COMMD1: variants seen among roughly 807,000 people sequenced by gnomAD.
COMMD1 encodes the protein COMM domain-containing protein 1.
In COMMD1, 10 loss-of-function variants were observed where a neutral mutation model predicts 17.2. The ratio of observed to expected loss-of-function variants is 0.58; its 90% confidence interval spans 0.36 to 0.99. The LOEUF is 0.99. COMMD1 is among the 50% of genes least tolerant of loss of function. The probability of loss-of-function intolerance (pLI) is 0.01; values close to 1 mark genes in which losing one functional copy is unlikely to be tolerated. For synonymous variants in COMMD1, 97 were observed against 91.6 expected (o/e 1.06, Z -0.34); for missense variants, 270 against 231.8 (o/e 1.17, Z -1.07).
chr2:62,117,945 T>G (rs1672649997), intron 2 of COMMD1, among the ~76,000 whole-genome samples: 1 of 151,844 alleles, frequency 6.6e-6, no homozygotes, highest in Admixed American at 6.6e-5. Context: ...AAAGAATGAG[T>G]GATGTCCAAG....
In COMMD1 at chr2:61,999,070, G is replaced by A. The variant is rs117857021; in HGVS notation, c.181-1631G>A. ...ACACAGAGACACAAGGTGAGCATAT[G>A]CTATTTGAAAAATGGCACCAATAGA... is the stretch of plus-strand genomic sequence containing the variant. On this transcript the variant is annotated intron_variant, in intron 1 of 2. Coordinates refer to ENST00000311832, the MANE Select transcript of COMMD1 (RefSeq NM_152516.4). Among the ~76,000 whole-genome samples, 461 of 152,286 alleles carry A rather than the reference G, an allele frequency of 3.0e-3. 8 individuals carry two copies. The East Asian group carries it at 0.045, about 15-fold the overall frequency.
chr2:61,939,644 T>C (rs1452129247), intron 1 of COMMD1, among the ~76,000 whole-genome samples: 2 of 152,202 alleles, frequency 1.3e-5, no homozygotes, highest in Non-Finnish European at 2.9e-5. Flanking sequence ...AACTATATTG[T>C]CATAAAATCA....
chr2:62,099,288 T>G (rs1367917776), intron 2 of COMMD1, among the ~76,000 whole-genome samples: 1 of 152,186 alleles, frequency 6.6e-6, no homozygotes, highest in Non-Finnish European at 1.5e-5. Context: ...TTTCCTCTTT[T>G]TGATGATTCT....
intron 2 of COMMD1, among the ~76,000 whole-genome samples, chr2:62,122,128 G>A (rs1370765369): frequency 6.6e-6 from 1 of 152,188 alleles, no homozygotes; most frequent in Non-Finnish European, 1.5e-5. Context: ...TAATGCATGA[G>A]AAATTAGCCA....
chr2:61,937,781 C>T (rs1337799541), intron 1 of COMMD1, among the ~76,000 whole-genome samples: 1 of 152,124 alleles, frequency 6.6e-6, no homozygotes, highest in Non-Finnish European at 1.5e-5. Context: ...AAATATGTAT[C>T]TGTACAACTC....
intron 2 of COMMD1, among the ~76,000 whole-genome samples, chr2:62,033,374 G>T (rs1305275519): frequency 6.6e-6 from 1 of 152,170 alleles, no homozygotes; most frequent in Non-Finnish European, 1.5e-5. Flanking sequence ...AATGAACAAA[G>T]GCAAGTCTGA....
chr2:61,985,652 A>G (rs1206121280), intron 1 of COMMD1, among the ~76,000 whole-genome samples: 1 of 151,948 alleles, frequency 6.6e-6, no homozygotes, highest in East Asian at 1.9e-4. Context: ...CACAGTTTTT[A>G]GATTTGAGGT....
chr2:61,909,303 A>G (rs1304266502), intron 1 of COMMD1, among the ~76,000 whole-genome samples: 2 of 152,234 alleles, frequency 1.3e-5, no homozygotes, highest in African/African-American at 4.8e-5. Flanking sequence ...ACAAATAAGC[A>G]TGATGCAAGG....
chr2:62,111,988 A>G (rs1044902046), intron 2 of COMMD1, among the ~76,000 whole-genome samples: 3 of 152,210 alleles, frequency 2.0e-5, no homozygotes, highest in East Asian at 1.9e-4. Flanking sequence ...TAAGAAGTCT[A>G]CGTGGTAAGT....
In COMMD1 at chr2:62,026,272, G is replaced by T. The variant is rs1180645979; in HGVS notation, c.462+25290G>T. Among the ~76,000 whole-genome samples the T allele has an allele frequency of 2.0e-5, 3 of 152,204 alleles. No individual in the cohort carries two copies. The East Asian group carries it at 5.8e-4, about 29-fold the overall frequency. On this transcript the variant is annotated intron_variant, in intron 2 of 2. Transcript: ENST00000311832. ...CTGCAGGCTGTACAGGAAGCATGGT[G>T]CTAGCATTTGCTTGGCTTCTAGGGA...
intron 1 of COMMD1, among the ~76,000 whole-genome samples, chr2:61,890,305 C>T (rs1342090421): frequency 1.3e-5 from 2 of 152,140 alleles, no homozygotes; most frequent in South Asian, 2.1e-4. Flanking sequence ...CCGCAACCTC[C>T]GCCTCCCGGG....
chr2:62,053,528 A>AAG (rs1226679572), intron 2 of COMMD1, among the ~76,000 whole-genome samples: 2 of 152,172 alleles, frequency 1.3e-5, no homozygotes, highest in Non-Finnish European at 2.9e-5. Context: ...AAAAAGAATG[A>AAG]AGAGAGCCAG....
intron 1 of COMMD1, among the ~76,000 whole-genome samples, chr2:61,997,992 C>G (rs1004309719): frequency 1.3e-5 from 2 of 152,340 alleles, no homozygotes; most frequent in African/African-American, 4.8e-5. Flanking sequence ...GCAGCTCATA[C>G]GTCAGCACTT....
chr2:61,975,417 G>A (rs1671775693), intron 1 of COMMD1, among the ~76,000 whole-genome samples: 1 of 152,074 alleles, frequency 6.6e-6, no homozygotes, highest in Admixed American at 6.6e-5. Context: ...TATGGCAAGA[G>A]TATGTTTAGT....
intron 2 of COMMD1, among the ~76,000 whole-genome samples, chr2:62,069,052 T>C (rs1477499549): frequency 6.6e-6 from 1 of 152,238 alleles, no homozygotes; most frequent in Non-Finnish European, 1.5e-5. Context: ...TGTCTAGAGC[T>C]ATAATATAGA....
chr2:61,942,675 G>C (rs963309256), intron 1 of COMMD1, among the ~76,000 whole-genome samples: 7 of 151,708 alleles, frequency 4.6e-5, no homozygotes, highest in South Asian at 2.1e-4. Flanking sequence ...AAGTAGTTGG[G>C]ATTACAGGCA....
At chr2:61,994,293 G>C (rs939021071) in intron 1 of COMMD1, among the ~76,000 whole-genome samples, 1 of 152,164 alleles carries the variant, frequency 6.6e-6, no homozygotes, top group African/African-American at 2.4e-5. Flanking sequence ...GCCTGTATTT[G>C]TATTGATTGG....
intron 2 of COMMD1, among the ~76,000 whole-genome samples, chr2:62,075,340 T>C (rs1671311820): frequency 1.3e-5 from 2 of 152,208 alleles, no homozygotes; most frequent in Admixed American, 6.5e-5. Context: ...TAAGGTGGAA[T>C]AGTGGCTCTT....
Position 61,913,816 on chromosome 2 carries a change from A to AG in COMMD1, c.180+7958_180+7959insG, listed in dbSNP as rs1553367041. 1.7e-4 allele frequency among the ~76,000 whole-genome samples: 17 copies of AG among 100,188 alleles called. 5 individuals carry two copies. The highest frequency in any genetic ancestry group is 3.5e-4 in the South Asian group (1 of 2,886). 65.7% of individuals were successfully genotyped at this position (100,188 alleles called of 152,430 possible). The stretch of plus-strand genomic sequence containing the variant: ...ATCTCCAAAAAAAAAAAAAAAAAAA[A>AG]AGAAAAGTGTGTTAACCTCTGTTCC... On this transcript the variant is annotated intron_variant, in intron 1 of 2. Coordinates refer to ENST00000311832, the MANE Select transcript of COMMD1 (RefSeq NM_152516.4).
Sources: gnomAD v4.1 joint callset for allele counts (sites outside exome capture counted in the v4.1 genomes callset) on GRCh38, gnomAD v4.1.1 for gene constraint, MANE v1.5 for transcripts, NCBI Gene and HGNC (gene_info 2026-07-23, HGNC 2026-07-21) for gene names.